SAMD12: variants seen among roughly 807,000 people sequenced by gnomAD.
The protein encoded by SAMD12 is sterile alpha motif domain-containing protein 12.
In SAMD12, 9 loss-of-function variants were observed where a neutral mutation model predicts 15.0. The observed-to-expected ratio is 0.60, with a 90% CI of 0.36 to 1.05. The LOEUF is 1.05. SAMD12 is among the 50% of genes least tolerant of loss of function. SAMD12 has a pLI of 0.01. For missense variants in SAMD12, 230 were observed against 234.2 expected (o/e 0.98, Z 0.12); for synonymous variants, 86 against 90.1 (o/e 0.96, Z 0.25).
chr8:118,621,906 A>T lies in SAMD12; in HGVS notation c.-90T>A. 1 of 1,448,072 alleles carries T rather than the reference A, an allele frequency of 6.9e-7. No homozygotes were observed. Among genetic ancestry groups the T allele is most frequent in the South Asian group, 1.1e-5 (1 of 87,676 alleles). The allele number at this position is 1,448,072 out of a possible 1,614,324, so 89.7% of individuals were successfully genotyped here. On this transcript the variant is annotated 5_prime_UTR_variant, in exon 1 of 4. Transcript: ENST00000314727. ...TCCCCCCTTCCTCTCGCTTTCGCCT[A>T]AATATTCTGCGCTTATCTGCTCCAG...
intron 1 of SAMD12, among the ~76,000 whole-genome samples, chr8:118,608,751 G>T (rs564365334): frequency 6.6e-6 from 1 of 152,134 alleles, no homozygotes; most frequent in Admixed American, 6.5e-5. Flanking sequence ...TAATCTGCCC[G>T]CCTGGGCTTC....
At chr8:118,308,549 C>T (rs1815460181) in intron 4 of SAMD12, among the ~76,000 whole-genome samples, 2 of 152,148 alleles carry the variant, frequency 1.3e-5, no homozygotes, top group African/African-American at 4.8e-5. Context: ...ATACTCACTC[C>T]TTCTACCAGG....
At chr8:118,395,309 G>A (rs190049727) in intron 3 of SAMD12, among the ~76,000 whole-genome samples, 2 of 152,136 alleles carry the variant, frequency 1.3e-5, no homozygotes, top group South Asian at 2.1e-4. Context: ...GCTCACTCAC[G>A]ACTTATGCTT....
chr8:118,305,459 AC>A (rs1256668652), intron 4 of SAMD12, among the ~76,000 whole-genome samples: 4 of 152,160 alleles, frequency 2.6e-5, no homozygotes, highest in Non-Finnish European at 4.4e-5. Context: ...CATGAATCAG[AC>A]TTTTATTTCT....
At chr8:118,268,853 A>G (rs978338409) in intron 4 of SAMD12, among the ~76,000 whole-genome samples, 1 of 152,112 alleles carries the variant, frequency 6.6e-6, no homozygotes, top group Non-Finnish European at 1.5e-5. Flanking sequence ...TATTTTATCA[A>G]TTTTATCTTC....
intron 2 of SAMD12, among the ~76,000 whole-genome samples, chr8:118,459,161 G>A (rs973032816): frequency 6.6e-5 from 10 of 152,010 alleles, no homozygotes; most frequent in Non-Finnish European, 1.2e-4. Context: ...CGCCTCCCCG[G>A]TTCAAGTGAT....
Position 118,314,080 on chromosome 8 carries a change from C to T in SAMD12, c.433+65480G>A, listed in dbSNP as rs1815760961. Among the ~76,000 whole-genome samples the T allele has an allele frequency of 2.0e-5, 3 of 152,078 alleles. 1 individual carries two copies. Among genetic ancestry groups the T allele is most frequent in the Admixed American group, 2.0e-4 (3 of 15,262 alleles). On this transcript the variant is annotated intron_variant, in intron 4 of 4. Transcript: ENST00000409003. ...TCTTTAAATGTTCCTAATTTCAGAT[C>T]TCACTATCCTCATTAACTTAAAATC...
intron 3 of SAMD12, among the ~76,000 whole-genome samples, chr8:118,436,482 C>CT (rs1015443478): frequency 6.6e-6 from 1 of 152,122 alleles, no homozygotes; most frequent in African/African-American, 2.4e-5. Context: ...TAATATATGT[C>CT]TTTTTTATTT....
intron 4 of SAMD12, among the ~76,000 whole-genome samples, chr8:118,347,892 G>A (rs1437426161): frequency 6.6e-6 from 1 of 152,170 alleles, no homozygotes; most frequent in African/African-American, 2.4e-5. Context: ...GCATGGCAAA[G>A]TGGCACAGTC....
rs58076997 is a variant in SAMD12, at chr8:118,302,078, G to GTTTTTTTTTTT, written c.433+77471_433+77481dup. Among the ~76,000 whole-genome samples the GTTTTTTTTTTT allele has an allele frequency of 4.6e-3, 346 of 74,672 alleles. 61 individuals are homozygous for GTTTTTTTTTTT. The highest frequency in any genetic ancestry group is 0.022 in the African/African-American group (320 of 14,282). 49.0% of individuals were successfully genotyped at this position (74,672 alleles called of 152,430 possible). ...ATTTTCTAGCGCCAGATCTTTGAGAGTTTTTTTTTTTTTTTTTTTTTTTTT... is the reference window on the plus strand; with the variant it reads ...ATTTTCTAGCGCCAGATCTTTGAGAGTTTTTTTTTTTTTTTTTTTTTTTTTTTTTTTTTTTT... On this transcript the variant is annotated intron_variant, in intron 4 of 4. Coordinates refer to the SAMD12 transcript ENST00000409003.
Position 118,378,393 on chromosome 8 carries a change from C to T in SAMD12, c.*1024G>A, listed in dbSNP as rs1819494905. Reference sequence around the variant, plus strand: ...GTATTTCACATTCAAATTTAAATCACTTAGTATACCAGTAAATTCACCATT... The same window carrying T: ...GTATTTCACATTCAAATTTAAATCATTTAGTATACCAGTAAATTCACCATT... On this transcript the variant is annotated 3_prime_UTR_variant, in exon 4 of 4. Coordinates refer to ENST00000314727, the MANE Select transcript of SAMD12 (RefSeq NM_207506.3). The T allele has an allele frequency of 4.1e-6, 4 of 964,052 alleles. No individual in the cohort carries two copies. The African/African-American group carries it at 7.1e-5, about 17-fold the overall frequency. 59.7% of individuals were successfully genotyped at this position (964,052 alleles called of 1,614,324 possible).
chr8:118,437,836 C>T (rs1822618976), intron 3 of SAMD12, among the ~76,000 whole-genome samples: 1 of 152,152 alleles, frequency 6.6e-6, no homozygotes, highest in Middle Eastern at 3.2e-3. Flanking sequence ...ATCTTTATTT[C>T]TGAGGACTGT....
chr8:118,381,943 G>T (rs1229188000), intron 3 of SAMD12, among the ~76,000 whole-genome samples: 2 of 152,142 alleles, frequency 1.3e-5, no homozygotes, highest in Non-Finnish European at 2.9e-5. Context: ...CACACACAAA[G>T]GTAAAAAGTA....
At chr8:118,422,592 C>T (rs1240932987) in intron 3 of SAMD12, among the ~76,000 whole-genome samples, 4 of 152,104 alleles carry the variant, frequency 2.6e-5, no homozygotes, top group African/African-American at 9.7e-5. Context: ...CCTCATAAGC[C>T]AAACTTAGGA....
chr8:118,319,102 A>G (rs2130440689), intron 4 of SAMD12, among the ~76,000 whole-genome samples: 1 of 152,306 alleles, frequency 6.6e-6, no homozygotes, highest in East Asian at 1.9e-4. Context: ...TTGCTGGAAT[A>G]CTATGAGTAT....
At chr8:118,413,862 A>G (rs1821551274) in intron 3 of SAMD12, among the ~76,000 whole-genome samples, 2 of 149,002 alleles carry the variant, frequency 1.3e-5, no homozygotes, top group Admixed American at 6.8e-5. Flanking sequence ...AGTCATTTCT[A>G]TTACTTCAAA....
At chr8:118,232,970 A>G (rs559072240) in intron 4 of SAMD12, among the ~76,000 whole-genome samples, 1 of 152,308 alleles carries the variant, frequency 6.6e-6, no homozygotes, top group Admixed American at 6.5e-5. Flanking sequence ...TATTTTGCAA[A>G]CTTTAATAAC....
chr8:118,140,094 C>G, the SAMD12 span, among the ~76,000 whole-genome samples: 3 of 152,260 alleles, frequency 2.0e-5, no homozygotes, highest in East Asian at 5.8e-4. Flanking sequence ...TTAGAATGGT[C>G]CCTCCCTTAT....
At chr8:118,409,451 T>G (rs1299670818) in intron 3 of SAMD12, among the ~76,000 whole-genome samples, 2 of 133,702 alleles carry the variant, frequency 1.5e-5, no homozygotes, top group Non-Finnish European at 3.1e-5. Context: ...GCTTCACCGC[T>G]TTCATTATGG....
Sources: gnomAD v4.1 joint callset for allele counts (sites outside exome capture counted in the v4.1 genomes callset) on GRCh38, gnomAD v4.1.1 for gene constraint, MANE v1.5 for transcripts, NCBI Gene and HGNC (gene_info 2026-07-23, HGNC 2026-07-21) for gene names.